The following PHKB variants were observed in gnomAD, a reference collection of about 807,000 sequenced individuals.
The protein encoded by PHKB is phosphorylase kinase regulatory subunit beta.
A neutral mutation model predicts 152.1 loss-of-function variants in PHKB; 122 were observed. The ratio of observed to expected loss-of-function variants is 0.80; its 90% CI spans 0.69 to 0.93. The LOEUF is 0.93. PHKB is among the 40% of genes least tolerant of loss of function. The probability of loss-of-function intolerance (pLI) is 0.00; values close to 1 mark genes in which losing one functional copy is unlikely to be tolerated. For missense variants in PHKB, 1,304 were observed against 1,328.4 expected (o/e 0.98, Z 0.29); for synonymous variants, 436 against 464.9 (o/e 0.94, Z 0.80).
At chr16:47,511,978 G>C (rs1296972577) in intron 5 of PHKB, among the ~76,000 whole-genome samples, 1 of 152,032 alleles carries the variant, frequency 6.6e-6, no homozygotes, top group Non-Finnish European at 1.5e-5. Context: ...TGGATCCCTC[G>C]CATGTGCAGC....
intron 4 of PHKB, among the ~76,000 whole-genome samples, chr16:47,507,597 A>G (rs1055707632): frequency 2.0e-5 from 3 of 151,742 alleles, no homozygotes; most frequent in Non-Finnish European, 4.4e-5. Flanking sequence ...GGCTCAAGCA[A>G]TCCTTCCACC....
intron 4 of PHKB, among the ~76,000 whole-genome samples, chr16:47,506,278 A>C (rs1018568960): frequency 1.3e-5 from 2 of 152,108 alleles, no homozygotes; most frequent in Non-Finnish European, 2.9e-5. Flanking sequence ...ATAAAAAAAA[A>C]TCATTAATAT....
intron 6 of PHKB, among the ~76,000 whole-genome samples, chr16:47,535,619 A>G (rs1335555401): frequency 6.6e-6 from 1 of 152,344 alleles, no homozygotes; most frequent in Non-Finnish European, 1.5e-5. Flanking sequence ...TTTATACAAT[A>G]TAAGTCCCGC....
chr16:47,624,399 C>T (rs1972672665), intron 14 of PHKB, among the ~76,000 whole-genome samples: 2 of 152,174 alleles, frequency 1.3e-5, no homozygotes, highest in Admixed American at 1.3e-4. Flanking sequence ...TGAGCCCTTC[C>T]TTGTACTTAA....
At chr16:47,582,748 C>T (rs1971869022) in intron 8 of PHKB, among the ~76,000 whole-genome samples, 1 of 152,178 alleles carries the variant, frequency 6.6e-6, no homozygotes. Flanking sequence ...GAATTGACTA[C>T]TACTTGATTG....
At chr16:47,698,017 A>G (rs1325174646) in intron 29 of PHKB, among the ~76,000 whole-genome samples, 1 of 152,160 alleles carries the variant, frequency 6.6e-6, no homozygotes, top group Non-Finnish European at 1.5e-5. Context: ...ACCTGGGTCC[A>G]GAGTCTCCAT....
chr16:47,648,757 A>G (rs1213060549), intron 17 of PHKB, 141 bp downstream of exon 17: 2 of 694,644 alleles, frequency 2.9e-6, no homozygotes, highest in Admixed American at 4.1e-5. Context: ...CTGCTAGTAA[A>G]CATTACTTAT....
chr16:47,641,577 T>G, intron 15 of PHKB, 22 bp from the exon 16 acceptor site: 1 of 1,270,470 alleles, frequency 7.9e-7, no homozygotes. Flanking sequence ...AAAACGTCTC[T>G]TTTTATCCCT....
intron 6 of PHKB, among the ~76,000 whole-genome samples, chr16:47,530,465 T>C (rs929146243): frequency 2.6e-5 from 4 of 152,174 alleles, no homozygotes; most frequent in African/African-American, 9.7e-5. Flanking sequence ...AAACTCCTAT[T>C]TAACATTGTA....
At chr16:47,672,144 T>C (rs1973649125) in intron 26 of PHKB, among the ~76,000 whole-genome samples, 1 of 152,218 alleles carries the variant, frequency 6.6e-6, no homozygotes, top group Non-Finnish European at 1.5e-5. Context: ...AACTACAGTA[T>C]ATTTCAGTCA....
intron 14 of PHKB, among the ~76,000 whole-genome samples, chr16:47,633,776 T>C (rs1972868074): frequency 6.6e-6 from 1 of 152,216 alleles, no homozygotes; most frequent in Non-Finnish European, 1.5e-5. Flanking sequence ...GCTGTAAAAG[T>C]CCTCGAGAAG....
intron 18 of PHKB, 135 bp downstream of exon 18, chr16:47,649,339 C>T: frequency 2.8e-6 from 2 of 705,126 alleles, no homozygotes; most frequent in South Asian, 2.9e-5. Context: ...GTAAAACCAC[C>T]TGCATAGCTT....
chr16:47,607,810 G>T (rs1179377119), intron 13 of PHKB, among the ~76,000 whole-genome samples: 1 of 152,112 alleles, frequency 6.6e-6, no homozygotes, highest in Non-Finnish European at 1.5e-5. Flanking sequence ...CTATTTGAGG[G>T]TTTCTGTTTC....
At chr16:47,507,880 T>C (rs1045767744) in intron 4 of PHKB, among the ~76,000 whole-genome samples, 13 of 152,188 alleles carry the variant, frequency 8.5e-5, no homozygotes, top group African/African-American at 2.9e-4. Flanking sequence ...TTTCCTCCTG[T>C]CTTGGCCATT....
intron 7 of PHKB, among the ~76,000 whole-genome samples, chr16:47,556,751 C>T (rs1971378019): frequency 6.6e-6 from 1 of 152,112 alleles, no homozygotes; most frequent in South Asian, 2.1e-4. Flanking sequence ...GTGTCTCTGC[C>T]AGGCTTTGGT....
intron 20 of PHKB, among the ~76,000 whole-genome samples, chr16:47,656,673 A>G (rs977661006): frequency 6.6e-6 from 1 of 152,154 alleles, no homozygotes; most frequent in Non-Finnish European, 1.5e-5. Flanking sequence ...CTCATAAACA[A>G]CAGTTCCTCA....
chr16:47,569,621 A>G (rs190074136), intron 7 of PHKB, among the ~76,000 whole-genome samples: 99 of 152,064 alleles, frequency 6.5e-4, no homozygotes, highest in African/African-American at 2.3e-3. Flanking sequence ...GTATGTGTCT[A>G]TATATGTATT....
At chr16:47,576,938 A>T (rs1211622487) in intron 7 of PHKB, among the ~76,000 whole-genome samples, 1 of 151,700 alleles carries the variant, frequency 6.6e-6, no homozygotes, top group Non-Finnish European at 1.5e-5. Flanking sequence ...TCATGCTTTT[A>T]AATTTAATTA....
intron 4 of PHKB, among the ~76,000 whole-genome samples, chr16:47,508,021 C>T (rs1479742656): frequency 3.3e-5 from 5 of 152,228 alleles, no homozygotes; most frequent in Admixed American, 1.3e-4. Context: ...CCTCTAGCCT[C>T]ATGTTGTCTT....
Sources: gnomAD v4.1 joint callset for allele counts (sites outside exome capture counted in the v4.1 genomes callset) on GRCh38, gnomAD v4.1.1 for gene constraint, MANE v1.5 for transcripts, NCBI Gene and HGNC (gene_info 2026-07-23, HGNC 2026-07-21) for gene names.